DNAJC6: variants seen among roughly 807,000 people sequenced by gnomAD.
DNAJC6 encodes the protein auxilin.
DNAJC6 carries 34 observed loss-of-function variants against 110.0 expected under a neutral mutation model. That is an observed-to-expected ratio of 0.31 (90% CI 0.24 to 0.41). The LOEUF is 0.41. Among genes scored for constraint, DNAJC6 ranks in the 10% least tolerant of loss-of-function variants. The pLI is 1.00. For synonymous variants in DNAJC6, 406 were observed against 437.2 expected (o/e 0.93, Z 0.89); for missense variants, 1,031 against 1,207.8 (o/e 0.85, Z 2.17).
intron 1 of DNAJC6, among the ~76,000 whole-genome samples, chr1:65,312,717 A>G (rs1462604657): frequency 6.6e-6 from 1 of 152,230 alleles, no homozygotes; most frequent in Admixed American, 6.5e-5. Flanking sequence ...ATTTTATTAA[A>G]TAGGTTGGGG....
intron 4 of DNAJC6, among the ~76,000 whole-genome samples, chr1:65,377,827 T>C (rs922884922): frequency 6.6e-6 from 1 of 152,190 alleles, no homozygotes; most frequent in African/African-American, 2.4e-5. Flanking sequence ...TTTCCCATGG[T>C]CAAATAGAAG....
At chr1:65,335,518 G>T (rs1008611464) in intron 1 of DNAJC6, among the ~76,000 whole-genome samples, 1 of 152,088 alleles carries the variant, frequency 6.6e-6, no homozygotes, top group Non-Finnish European at 1.5e-5. Context: ...AGACTAAGGA[G>T]AGTTCATATA....
chr1:65,345,734 ACTTTTGG>A (rs1645431281), intron 1 of DNAJC6: 1 of 959,944 alleles, frequency 1.0e-6, no homozygotes, highest in Non-Finnish European at 1.2e-6. Flanking sequence ...GTAAGGGTGT[ACTTTTGG>A]CCTTTGGGAT....
chr1:65,288,199 C>T (rs1654083872), intron 1 of DNAJC6, among the ~76,000 whole-genome samples: 1 of 152,150 alleles, frequency 6.6e-6, no homozygotes, highest in Non-Finnish European at 1.5e-5. Context: ...GCCATCAAAT[C>T]CTGAGTCCTT....
intron 11 of DNAJC6, 151 bp downstream of exon 11, chr1:65,389,778 TGGAAGGCCAGGATA>T (rs2101608333): frequency 1.2e-6 from 1 of 837,996 alleles, no homozygotes; most frequent in South Asian, 1.7e-5. Context: ...CCCAGCACTT[TGGAAGGCCAGGATA>T]GGAAGGCCAG....
rs1488462112 is a variant in DNAJC6 at position 65,414,917 on chromosome 1, A to T, written c.*1892A>T. The T allele has an allele frequency of 1.3e-5, 2 of 152,664 alleles. No homozygotes were observed. Among genetic ancestry groups the T allele is most frequent in the African/African-American group, 4.8e-5 (2 of 41,468 alleles). The allele number at this position is 152,664 out of a possible 1,614,324, so 9.5% of individuals were successfully genotyped here. ...GATGTCACGTATTTTGAAATGATAG[A>T]ACTACATTAGCTTTGTATCATGTTT... On this transcript the variant is annotated 3_prime_UTR_variant, in exon 19 of 19. Transcript: ENST00000371069.
chr1:65,370,080 A>G (rs914933489), intron 4 of DNAJC6, among the ~76,000 whole-genome samples: 15 of 152,126 alleles, frequency 9.9e-5, no homozygotes, highest in African/African-American at 3.4e-4. Context: ...TTTATAGCCA[A>G]TATCCACCTT....
chr1:65,287,335 A>G (rs187242121), intron 1 of DNAJC6, among the ~76,000 whole-genome samples: 3 of 152,358 alleles, frequency 2.0e-5, no homozygotes. Context: ...ATTTTTAAAA[A>G]TGGATACTTA....
In DNAJC6 at chr1:65,408,648, A is replaced by T; in HGVS notation, c.2499A>T (p.Lys833Asn). 1 of 1,609,070 alleles carries T rather than the reference A, an allele frequency of 6.2e-7. No individual in the cohort carries two copies. Among genetic ancestry groups the T allele is most frequent in the Non-Finnish European group, 8.5e-7 (1 of 1,178,810 alleles). ...TCAAAAATTATATTGCAGAAGGGAA[A>T]CAAAAAGCAGCTGATTTTGAAGACC... ...RGKGSSNLEG[K>N]QKAADFEDLL... The change falls in exon 17 of 19, where the codon AAA (lysine) becomes AAT (asparagine). Residue 833 changes from lysine to asparagine, a missense_variant. Physicochemically the swap from Lys to Asn is moderately conservative, Grantham distance 94. Coordinates refer to ENST00000371069, the MANE Select transcript of DNAJC6 (RefSeq NM_001256864.2).
chr1:65,373,527 T>G (rs958596443), intron 4 of DNAJC6, among the ~76,000 whole-genome samples: 15 of 152,148 alleles, frequency 9.9e-5, no homozygotes, highest in African/African-American at 3.6e-4. Context: ...TTTCTCTGAT[T>G]AGTGATGTTG....
chr1:65,412,941 T>C lies in DNAJC6; in HGVS notation c.2829T>C (p.Tyr943=), dbSNP rs766062402. The C allele has an allele frequency of 6.2e-7, 1 of 1,613,968 alleles. No homozygotes were observed. The highest frequency in any genetic ancestry group is 1.3e-5 in the African/African-American group (1 of 74,906). Residue 943 remains tyrosine (Y), a synonymous_variant, in exon 19 of 19, where the codon TAT becomes TAC. Coordinates refer to ENST00000371069, the MANE Select transcript of DNAJC6 (RefSeq NM_001256864.2). ...CTCTACAGGCTACTGGGCAACCCTA[T>C]GAACAATACGCAAAGATGATTTTCA... ...VHPDKATGQP[Y]EQYAKMIFME...
At chr1:65,395,168 C>A in intron 13 of DNAJC6, 136 bp downstream of exon 13, 1 of 972,788 alleles carries the variant, frequency 1.0e-6, no homozygotes. Flanking sequence ...TTGAAATTAA[C>A]AACTCACCTT....
intron 1 of DNAJC6, among the ~76,000 whole-genome samples, chr1:65,339,193 A>G (rs1296008255): frequency 6.6e-6 from 1 of 152,214 alleles, no homozygotes; most frequent in Non-Finnish European, 1.5e-5. Flanking sequence ...TTAAGAAAAA[A>G]AAAATGAGGT....
At chr1:65,378,456 A>C (rs992128293) in intron 4 of DNAJC6, among the ~76,000 whole-genome samples, 2 of 152,228 alleles carry the variant, frequency 1.3e-5, no homozygotes, top group African/African-American at 4.8e-5. Context: ...TACTGAGCTA[A>C]GCTCTTGAAG....
intron 16 of DNAJC6, 71 bp from the exon 17 acceptor site, chr1:65,408,570 G>A (rs1646098575): frequency 1.3e-6 from 2 of 1,538,852 alleles, no homozygotes; most frequent in Non-Finnish European, 1.8e-6. Flanking sequence ...GACTCCAGAT[G>A]CTGTGAGATA....
intron 5 of DNAJC6, 44 bp downstream of exon 5, chr1:65,379,568 A>C (rs780816481): frequency 8.1e-5 from 131 of 1,610,552 alleles, no homozygotes; most frequent in Non-Finnish European, 1.0e-4. Context: ...TGGTTTGGTC[A>C]AATATGGATG....
intron 5 of DNAJC6, among the ~76,000 whole-genome samples, chr1:65,380,634 C>T (rs1292703754): frequency 6.6e-6 from 1 of 152,104 alleles, no homozygotes; most frequent in Non-Finnish European, 1.5e-5. Flanking sequence ...TTTCTCTTTA[C>T]TCAAGAATTT....
At chr1:65,370,789 A>G (rs1022172428) in intron 4 of DNAJC6, among the ~76,000 whole-genome samples, 1 of 152,192 alleles carries the variant, frequency 6.6e-6, no homozygotes, top group East Asian at 1.9e-4. Context: ...AAAATGTATT[A>G]TCAACTTGGG....
intron 12 of DNAJC6, among the ~76,000 whole-genome samples, chr1:65,393,814 A>T (rs1419804899): frequency 1.3e-5 from 2 of 151,854 alleles, no homozygotes; most frequent in African/African-American, 4.8e-5. Context: ...CTATAGGAAC[A>T]TTTTTTTTCC....
Sources: gnomAD v4.1 joint callset for allele counts (sites outside exome capture counted in the v4.1 genomes callset) on GRCh38, gnomAD v4.1.1 for gene constraint, MANE v1.5 for transcripts, NCBI Gene and HGNC (gene_info 2026-07-23, HGNC 2026-07-21) for gene names.